The following DENND1A variants were observed in gnomAD, a reference collection of about 807,000 sequenced individuals.
The protein encoded by DENND1A is DENN domain containing 1A, also known as DENN domain-containing protein 1A.
Under a neutral mutation model 113.7 loss-of-function variants are expected in DENND1A, and 51 were observed. That is an observed-to-expected ratio of 0.45 (90% CI 0.36 to 0.57). The LOEUF (loss-of-function observed/expected upper bound fraction) is 0.57, where lower values mean the gene tolerates loss of function less well. DENND1A is among the 20% of genes least tolerant of loss of function. DENND1A has a pLI of 0.00. For missense variants in DENND1A, 1,258 were observed against 1,395.9 expected (o/e 0.90, Z 1.57); for synonymous variants, 565 against 570.8 (o/e 0.99, Z 0.14).
chr9:123,515,733 T>C (rs1363701577), intron 13 of DENND1A, among the ~76,000 whole-genome samples: 1 of 152,070 alleles, frequency 6.6e-6, no homozygotes, highest in Non-Finnish European at 1.5e-5. Flanking sequence ...TCTTAAAATA[T>C]TCCAGCAAAA....
intron 13 of DENND1A, among the ~76,000 whole-genome samples, chr9:123,528,920 T>A (rs1770691936): frequency 1.3e-5 from 2 of 152,188 alleles, no homozygotes; most frequent in Admixed American, 1.3e-4. Flanking sequence ...CTGGAAAACT[T>A]CTCCTTCAAG....
chr9:123,601,548 T>C lies in DENND1A; in HGVS notation c.765+7888A>G, dbSNP rs1435978960. 3.9e-5 allele frequency among the ~76,000 whole-genome samples: 6 copies of C among 152,182 alleles called. No homozygotes were observed. In the South Asian group the frequency reaches 1.0e-3, roughly 26 times the overall value. On this transcript the variant is annotated intron_variant, in intron 11 of 23. Coordinates refer to ENST00000394215, the MANE Select transcript of DENND1A (RefSeq NM_001352964.2). ...AGTGATGACTGTGCATGAGAACACA[T>C]AGCATGCTAAGGAAATTCCAGGACC...
At chr9:123,551,620 A>C (rs974201750) in intron 13 of DENND1A, among the ~76,000 whole-genome samples, 4 of 152,258 alleles carry the variant, frequency 2.6e-5, no homozygotes, top group South Asian at 2.1e-4. Flanking sequence ...CACGGATGGG[A>C]AGCAACTCGG....
chr9:123,411,312 G>A (rs749224645), intron 20 of DENND1A: 7 of 152,266 alleles, frequency 4.6e-5, no homozygotes, highest in Non-Finnish European at 8.8e-5. Flanking sequence ...GCAGGGCAGC[G>A]GTACCTGTAT....
intron 2 of DENND1A, among the ~76,000 whole-genome samples, chr9:123,856,086 G>A (rs1844144982): frequency 6.6e-6 from 1 of 152,082 alleles, no homozygotes; most frequent in African/African-American, 2.4e-5. Flanking sequence ...AAAGAATAAG[G>A]AAGGCCAGAA....
At chr9:123,568,752 C>T (rs895933153) in intron 12 of DENND1A, among the ~76,000 whole-genome samples, 1 of 151,768 alleles carries the variant, frequency 6.6e-6, no homozygotes, top group Admixed American at 6.6e-5. Flanking sequence ...CCACACAGAG[C>T]GAGATATCTC....
intron 11 of DENND1A, among the ~76,000 whole-genome samples, chr9:123,592,697 G>T (rs572633520): frequency 3.3e-5 from 5 of 151,946 alleles, no homozygotes; most frequent in Non-Finnish European, 7.4e-5. Flanking sequence ...GAGAGATGAG[G>T]TCTTGCTGTG....
chr9:123,663,644 T>G, intron 8 of DENND1A, among the ~76,000 whole-genome samples: 1 of 147,068 alleles, frequency 6.8e-6, no homozygotes, highest in African/African-American at 2.5e-5. Context: ...GGAGGGAGAG[T>G]GGGATTGGGG....
chr9:123,918,489 GAAA>G (rs138650406), intron 1 of DENND1A, among the ~76,000 whole-genome samples: 6 of 138,234 alleles, frequency 4.3e-5, no homozygotes, highest in Admixed American at 7.2e-5. Flanking sequence ...CTCCGTCTCA[GAAA>G]AAAAAAAAAA....
At chr9:123,882,643 C>A (rs1266361711) in intron 1 of DENND1A, among the ~76,000 whole-genome samples, 1 of 152,160 alleles carries the variant, frequency 6.6e-6, no homozygotes, top group Admixed American at 6.5e-5. Context: ...TTCCTTGCCC[C>A]TCTATAGAGT....
intron 10 of DENND1A, among the ~76,000 whole-genome samples, chr9:123,614,466 C>T (rs190317847): frequency 2.6e-5 from 4 of 152,248 alleles, no homozygotes; most frequent in South Asian, 4.2e-4. Context: ...TCATTATTAC[C>T]GCACTTTCAC....
chr9:123,905,907 T>C (rs1421057468), intron 1 of DENND1A, among the ~76,000 whole-genome samples: 4 of 150,798 alleles, frequency 2.7e-5, no homozygotes, highest in South Asian at 4.2e-4. Flanking sequence ...AATATACATT[T>C]TTTTCAGCAC....
At chr9:123,525,108 G>A (rs569475186) in intron 13 of DENND1A, among the ~76,000 whole-genome samples, 3 of 152,286 alleles carry the variant, frequency 2.0e-5, no homozygotes, top group Non-Finnish European at 2.9e-5. Context: ...CTGAGGCTCC[G>A]AAAAAGGAGG....
At chr9:123,910,018 G>GA (rs1456510828) in intron 1 of DENND1A, among the ~76,000 whole-genome samples, 1 of 151,732 alleles carries the variant, frequency 6.6e-6, no homozygotes, top group Non-Finnish European at 1.5e-5. Flanking sequence ...AAATGCTGCT[G>GA]AAAAAAAATT....
intron 19 of DENND1A, among the ~76,000 whole-genome samples, chr9:123,421,342 G>A (rs984164194): frequency 1.3e-5 from 2 of 152,002 alleles, no homozygotes; most frequent in African/African-American, 4.8e-5. Context: ...CAGCTAACGG[G>A]TGGCAGAGCC....
At chr9:123,455,198 G>A (rs960846207) in intron 15 of DENND1A, among the ~76,000 whole-genome samples, 1 of 152,200 alleles carries the variant, frequency 6.6e-6, no homozygotes, top group African/African-American at 2.4e-5. Flanking sequence ...AGGCGGCAGC[G>A]AGTCACTGCC....
At chr9:123,766,363 G>A (rs1438497324) in intron 4 of DENND1A, among the ~76,000 whole-genome samples, 1 of 152,144 alleles carries the variant, frequency 6.6e-6, no homozygotes, top group Non-Finnish European at 1.5e-5. Context: ...CCAAGTCTGA[G>A]ACCATTTCCG....
chr9:123,655,397 C>G (rs923655547), intron 8 of DENND1A, among the ~76,000 whole-genome samples: 5 of 152,106 alleles, frequency 3.3e-5, no homozygotes, highest in African/African-American at 1.2e-4. Context: ...GAAGATGGAC[C>G]AGGTGGGACA....
intron 6 of DENND1A, among the ~76,000 whole-genome samples, chr9:123,672,399 A>G (rs1199486572): frequency 6.6e-6 from 1 of 152,026 alleles, no homozygotes; most frequent in Non-Finnish European, 1.5e-5. Context: ...ACAGTTGTAG[A>G]AATTGTTGAA....
Sources: allele counts gnomAD v4.1 joint callset (sites outside exome capture counted in the v4.1 genomes callset), GRCh38; gene constraint gnomAD v4.1.1; transcripts MANE v1.5; gene names NCBI Gene and HGNC (gene_info 2026-07-23, HGNC 2026-07-21).